Variants in OXCT1 observed in about 807,000 individuals in gnomAD.
OXCT1 encodes 3-oxoacid CoA-transferase 1, also known as succinyl-CoA:3-ketoacid coenzyme A transferase 1, mitochondrial.
A neutral mutation model predicts 69.6 loss-of-function variants in OXCT1; 27 were observed. That is an observed-to-expected ratio of 0.39 (90% CI 0.29 to 0.54). The LOEUF is 0.54. OXCT1 is among the 20% of genes least tolerant of loss of function. OXCT1 has a pLI of 0.72. For missense variants in OXCT1, 437 were observed against 650.2 expected, an observed-to-expected ratio of 0.67 and a Z score of 3.57; for synonymous variants, 202 against 217.8, an observed-to-expected ratio of 0.93 and a Z score of 0.64.
At chr5:41,739,565 A>G in intron 15 of OXCT1, 74 bp from the exon 16 acceptor site, 3 of 1,187,668 alleles carry the variant, frequency 2.5e-6, no homozygotes, top group Non-Finnish European at 3.8e-6. Flanking sequence ...AAACAGAAAT[A>G]ACCTCGCAAG....
At chr5:41,735,602 A>G (rs769716204) in intron 16 of OXCT1, among the ~76,000 whole-genome samples, 10 of 152,252 alleles carry the variant, frequency 6.6e-5, no homozygotes, top group Non-Finnish European at 1.5e-4. Context: ...ATTTAAAAAT[A>G]GGAAAGCATT....
chr5:41,841,188 A>AT (rs1748611058), intron 6 of OXCT1, among the ~76,000 whole-genome samples: 1 of 152,132 alleles, frequency 6.6e-6, no homozygotes, highest in South Asian at 2.1e-4. Context: ...ATTAAAACAT[A>AT]TTTTTTGTCT....
intron 9 of OXCT1, 80 bp downstream of exon 9, chr5:41,805,487 T>C (rs900103564): frequency 2.6e-5 from 24 of 920,706 alleles, no homozygotes; most frequent in Non-Finnish European, 4.2e-5. Context: ...TGACTCACTA[T>C]GCAAGAGGTC....
chr5:41,773,975 A>G (rs574040540), intron 13 of OXCT1, among the ~76,000 whole-genome samples: 1 of 152,332 alleles, frequency 6.6e-6, no homozygotes, highest in East Asian at 1.9e-4. Context: ...TCAGATGAGA[A>G]GCAGGAGTTA....
intron 15 of OXCT1, among the ~76,000 whole-genome samples, chr5:41,749,279 T>G (rs1199632132): frequency 2.6e-5 from 4 of 152,044 alleles, no homozygotes; most frequent in African/African-American, 9.7e-5. Flanking sequence ...CAATAAAACT[T>G]TTCTCTGATT....
intron 13 of OXCT1, among the ~76,000 whole-genome samples, chr5:41,778,157 C>T (rs527689596): frequency 9.3e-4 from 141 of 152,252 alleles, no homozygotes; most frequent in Middle Eastern, 6.8e-3. Flanking sequence ...CTATTCATAA[C>T]TATATTTAGA....
At chr5:41,833,209 G>A (rs1478706641) in intron 7 of OXCT1, among the ~76,000 whole-genome samples, 1 of 152,130 alleles carries the variant, frequency 6.6e-6, no homozygotes, top group Non-Finnish European at 1.5e-5. Context: ...GCTACCTTTT[G>A]CGAGTTAATC....
intron 14 of OXCT1, among the ~76,000 whole-genome samples, chr5:41,751,689 C>T (rs942425636): frequency 5.9e-5 from 9 of 152,030 alleles, no homozygotes; most frequent in Admixed American, 1.3e-4. Context: ...CTAAAACCTG[C>T]GAGGAAATTA....
intron 14 of OXCT1, among the ~76,000 whole-genome samples, chr5:41,757,205 C>T (rs571462296): frequency 1.3e-5 from 2 of 152,168 alleles, no homozygotes; most frequent in East Asian, 3.9e-4. Flanking sequence ...CAACCTTTCT[C>T]GCTTTGTTCT....
At chr5:41,732,438 G>T (rs190485169) in intron 16 of OXCT1, among the ~76,000 whole-genome samples, 2 of 152,204 alleles carry the variant, frequency 1.3e-5, no homozygotes, top group South Asian at 4.1e-4. Context: ...AAGTGACAAT[G>T]AATGTATATT....
intron 1 of OXCT1, among the ~76,000 whole-genome samples, chr5:41,864,108 A>C (rs1335113673): frequency 6.6e-6 from 1 of 152,216 alleles, no homozygotes; most frequent in Non-Finnish European, 1.5e-5. Context: ...AATCAGTTGT[A>C]AACTTTTCCC....
chr5:41,853,266 G>A (rs1205683036), intron 4 of OXCT1, among the ~76,000 whole-genome samples, 153 bp downstream of exon 4: 1 of 152,086 alleles, frequency 6.6e-6, no homozygotes, highest in Non-Finnish European at 1.5e-5. Context: ...TAATCCTCCA[G>A]CAATCAACAG....
intron 5 of OXCT1, among the ~76,000 whole-genome samples, chr5:41,845,996 T>G (rs1366638458): frequency 6.6e-6 from 1 of 152,156 alleles, no homozygotes; most frequent in Non-Finnish European, 1.5e-5. Flanking sequence ...TACATTTTTA[T>G]AACACCAGCT....
At chr5:41,835,863 G>A (rs1296045780) in intron 7 of OXCT1, among the ~76,000 whole-genome samples, 1 of 152,110 alleles carries the variant, frequency 6.6e-6, no homozygotes, top group Non-Finnish European at 1.5e-5. Context: ...ATGCCAGGCT[G>A]CTTGCAGGAG....
chr5:41,815,055 T>C (rs1163650192), intron 7 of OXCT1, among the ~76,000 whole-genome samples: 1 of 151,988 alleles, frequency 6.6e-6, no homozygotes, highest in African/African-American at 2.4e-5. Context: ...CACTCTGAAC[T>C]CTAGAGGAAA....
intron 7 of OXCT1, among the ~76,000 whole-genome samples, chr5:41,812,466 G>A (rs190610074): frequency 3.9e-5 from 6 of 152,106 alleles, no homozygotes; most frequent in South Asian, 2.1e-4. Flanking sequence ...GTGTTTCTTC[G>A]TATTTTATCA....
intron 1 of OXCT1, among the ~76,000 whole-genome samples, chr5:41,868,514 G>C (rs1476526610): frequency 1.3e-5 from 2 of 152,136 alleles, no homozygotes; most frequent in Non-Finnish European, 1.5e-5. Context: ...ACGAGGTCAG[G>C]AGATCGAGAC....
In OXCT1 at chr5:41,749,694, T is replaced by C. The variant is rs1421780759; in HGVS notation, c.1339-87A>G. 38 of 827,288 alleles carry C rather than the reference T, an allele frequency of 4.6e-5. 1 individual carries two copies. In the East Asian group the frequency reaches 8.4e-4, roughly 18 times the overall value. The allele number at this position is 827,288 out of a possible 1,614,324, so 51.2% of individuals were successfully genotyped here. ...ATAACTATAGGATAAACAGAAACTA[T>C]CAGAGAAATTGTCTCCTAAGTAAAG... is the stretch of plus-strand genomic sequence containing the variant. On this transcript the variant is annotated intron_variant, in intron 14 of 16. Transcript: ENST00000196371.
At chr5:41,780,028 G>A (rs972062030) in intron 13 of OXCT1, among the ~76,000 whole-genome samples, 3 of 152,086 alleles carry the variant, frequency 2.0e-5, no homozygotes, top group Admixed American at 1.3e-4. Context: ...ATTAAAAAGT[G>A]AGTAAAAGTA....
Sources: gnomAD v4.1 joint callset for allele counts (sites outside exome capture counted in the v4.1 genomes callset) on GRCh38, gnomAD v4.1.1 for gene constraint, MANE v1.5 for transcripts, NCBI Gene and HGNC (gene_info 2026-07-23, HGNC 2026-07-21) for gene names.